STXBP5L: variants seen among roughly 807,000 people sequenced by gnomAD.
STXBP5L encodes syntaxin-binding protein 5-like.
STXBP5L carries 65 observed loss-of-function variants against 144.5 expected under a neutral mutation model. The observed-to-expected ratio is 0.45, with a 90% CI of 0.37 to 0.55. STXBP5L has a LOEUF of 0.55. Among genes scored for constraint, STXBP5L ranks in the 20% least tolerant of loss-of-function variants. The pLI is 0.00. For missense variants in STXBP5L, 1,298 were observed against 1,405.5 expected (o/e 0.92, Z 1.22); for synonymous variants, 505 against 469.6 (o/e 1.08, Z -0.97).
chr3:121,230,008 G>A (rs1033395950), intron 11 of STXBP5L, among the ~76,000 whole-genome samples: 9 of 152,012 alleles, frequency 5.9e-5, no homozygotes, highest in Admixed American at 3.3e-4. Flanking sequence ...AGTTTTTATC[G>A]TATTTGAAAA....
At chr3:121,049,833 C>T (rs1215169764) in intron 5 of STXBP5L, 1 of 153,026 alleles carries the variant, frequency 6.5e-6, no homozygotes, top group Non-Finnish European at 1.5e-5. Context: ...TCCAGCACTC[C>T]TGGGAGTCTG....
At position 121,303,343 on chromosome 3, in the gene STXBP5L, A is replaced by C. The variant is rs545477449; in HGVS notation, c.2111-15132A>C. Among the ~76,000 whole-genome samples, 44 of 152,104 alleles carry C rather than the reference A, an allele frequency of 2.9e-4. No individual in the cohort carries two copies. The South Asian group carries it at 4.8e-3, about 16-fold the overall frequency. On this transcript the variant is annotated intron_variant, in intron 19 of 26. Coordinates refer to ENST00000471454, the MANE Select transcript of STXBP5L (RefSeq NM_001308330.2). ...CCACAATGAGATACCATCTCACACC[A>C]GTTAGAATGGCAATCATTAAAAAGT...
intron 7 of STXBP5L, among the ~76,000 whole-genome samples, chr3:121,144,101 A>G (rs545972754): frequency 6.6e-6 from 1 of 151,038 alleles, no homozygotes. Flanking sequence ...TAAAGCGTTA[A>G]TCTGCAAAAT....
At chr3:121,315,157 A>G (rs1445052540) in intron 19 of STXBP5L, among the ~76,000 whole-genome samples, 8 of 152,268 alleles carry the variant, frequency 5.3e-5, no homozygotes, top group Middle Eastern at 6.8e-3. Flanking sequence ...AGGATTATAA[A>G]TCATGCTGCT....
intron 2 of STXBP5L, among the ~76,000 whole-genome samples, chr3:120,953,704 A>T (rs1164786536): frequency 3.3e-5 from 5 of 151,972 alleles, no homozygotes; most frequent in African/African-American, 9.7e-5. Flanking sequence ...AGTTCTAATA[A>T]TTTTTTAGTG....
In STXBP5L at chr3:120,973,575, G is replaced by T. The variant is rs549820236; in HGVS notation, c.287+18538G>T. ...TTTTTTTATTATACTTTAGTTTTAG[G>T]GTACATGTGCACAATGTGCAGGTTA... is the stretch of plus-strand genomic sequence containing the variant. On this transcript the variant is annotated intron_variant, in intron 3 of 26. Transcript: ENST00000471454. Among the ~76,000 whole-genome samples, 284 of 151,520 alleles carry T rather than the reference G, an allele frequency of 1.9e-3. 1 individual carries two copies. Among genetic ancestry groups the T allele is most frequent in the African/African-American group, 6.6e-3 (273 of 41,282 alleles).
In STXBP5L at chr3:121,015,744, A is replaced by G. The variant is rs189986709; in HGVS notation, c.288-25956A>G. ...TAACAAAAAAGTATTTTCCTGGAAA[A>G]AAGGCTTTACTAGAGCCTTATCCAA... On this transcript the variant is annotated intron_variant, in intron 3 of 26. Coordinates refer to ENST00000471454, the MANE Select transcript of STXBP5L (RefSeq NM_001308330.2). Among the ~76,000 whole-genome samples, 304 of 152,238 alleles carry G rather than the reference A, an allele frequency of 2.0e-3. 2 individuals are homozygous for G. In the Middle Eastern group the frequency reaches 0.027, roughly 14 times the overall value.
rs544572243 is a variant in STXBP5L, at chr3:121,020,154, AT to A, written c.288-21544del. Among the ~76,000 whole-genome samples the A allele has an allele frequency of 9.8e-5, 15 of 152,340 alleles. No homozygotes were observed. The South Asian group carries it at 2.9e-3, about 29-fold the overall frequency. On this transcript the variant is annotated intron_variant, in intron 3 of 26. Transcript: ENST00000471454. ...TGCACTGGAAAGGCTCGGCAATAAT[AT>A]TGAACAAGTAGAAGAAAGAACTTCA... is the stretch of plus-strand genomic sequence containing the variant.
intron 20 of STXBP5L, among the ~76,000 whole-genome samples, chr3:121,338,513 G>A (rs2044587073): frequency 6.7e-6 from 1 of 148,476 alleles, no homozygotes; most frequent in Non-Finnish European, 1.5e-5. Context: ...GGGTGGTGGT[G>A]CCGCCTGTAA....
At chr3:121,011,948 TAGAC>T (rs1232261693) in intron 3 of STXBP5L, among the ~76,000 whole-genome samples, 3 of 151,848 alleles carry the variant, frequency 2.0e-5, no homozygotes, top group Non-Finnish European at 4.4e-5. Flanking sequence ...CTGTACCTAT[TAGAC>T]AGTCACTTTC....
intron 3 of STXBP5L, among the ~76,000 whole-genome samples, chr3:121,007,721 C>T (rs533637991): frequency 3.9e-5 from 6 of 152,056 alleles, no homozygotes; most frequent in African/African-American, 1.4e-4. Flanking sequence ...TAGAGAAAGC[C>T]TTTAACTGCT....
intron 5 of STXBP5L, among the ~76,000 whole-genome samples, chr3:121,074,275 C>T (rs527382386): frequency 7.9e-5 from 12 of 152,164 alleles, no homozygotes; most frequent in South Asian, 6.2e-4. Flanking sequence ...GCAGCATCCA[C>T]AGGAATTCAC....
chr3:121,341,313 C>A (rs1357294513), intron 20 of STXBP5L, among the ~76,000 whole-genome samples: 1 of 152,098 alleles, frequency 6.6e-6, no homozygotes, highest in Admixed American at 6.6e-5. Context: ...AAATGCAAAT[C>A]GAAACTACAG....
At chr3:121,137,022 A>T (rs1301666057) in intron 7 of STXBP5L, among the ~76,000 whole-genome samples, 1 of 152,210 alleles carries the variant, frequency 6.6e-6, no homozygotes, top group Non-Finnish European at 1.5e-5. Context: ...TGGGAGCTAA[A>T]CGTTGTGTAC....
At position 121,239,053 on chromosome 3, in the gene STXBP5L, C is replaced by T. The variant is rs1414571329; in HGVS notation, c.1267C>T (p.Pro423Ser). ...CACAGCATACTTTGCAGATTGTCCT[C>T]CGGATTTGATTCTAGTACTGTATTC... ...TCTAYFADCP[P>S]DLILVLYSIG... is the part of the protein sequence containing the mutation. Residue 423 changes from proline to serine, a missense_variant, in exon 13 of 27, where the codon CCG (proline) becomes TCG (serine). By Grantham distance (74) the Pro-to-Ser change is moderately conservative. Coordinates refer to ENST00000471454, the MANE Select transcript of STXBP5L (RefSeq NM_001308330.2). The T allele has an allele frequency of 1.2e-6, 2 of 1,609,584 alleles. No homozygotes were observed. The highest frequency in any genetic ancestry group is 4.5e-5 in the East Asian group (2 of 44,408).
rs574868584 is a variant in STXBP5L, at chr3:121,419,833, T to C, written c.*736T>C. On this transcript the variant is annotated 3_prime_UTR_variant, in exon 27 of 27. Transcript: ENST00000471454. ...TCATTTCTATCACCTTCAGAATGGGTTGCTGTTTTTAGCACAAACCATGCA... is the reference window on the plus strand; with the variant it reads ...TCATTTCTATCACCTTCAGAATGGGCTGCTGTTTTTAGCACAAACCATGCA... The C allele has an allele frequency of 1.2e-4, 18 of 152,350 alleles. No homozygotes were observed. Among genetic ancestry groups the C allele is most frequent in the African/African-American group, 4.1e-4 (17 of 41,576 alleles). 9.4% of individuals were successfully genotyped at this position (152,350 alleles called of 1,614,324 possible). A position where few individuals can be genotyped will look rare whatever the true frequency, so the allele number is the denominator to read the frequency against.
At chr3:121,353,042 G>A (rs542957585) in intron 20 of STXBP5L, among the ~76,000 whole-genome samples, 30 of 152,220 alleles carry the variant, frequency 2.0e-4, no homozygotes, top group Admixed American at 4.6e-4. Flanking sequence ...CAGCCTGATC[G>A]TGTTGGATAA....
At chr3:121,034,448 C>A (rs1309360125) in intron 3 of STXBP5L, among the ~76,000 whole-genome samples, 2 of 152,014 alleles carry the variant, frequency 1.3e-5, no homozygotes, top group African/African-American at 4.8e-5. Context: ...TATGTTGCTG[C>A]AAAAGATATG....
At position 121,085,998 on chromosome 3, in the gene STXBP5L, A is replaced by T. The variant is rs185832824; in HGVS notation, c.471-28927A>T. Among the ~76,000 whole-genome samples the T allele has an allele frequency of 2.6e-4, 40 of 152,242 alleles. No individual in the cohort carries two copies. In the East Asian group the frequency reaches 6.0e-3, roughly 23 times the overall value. On this transcript the variant is annotated intron_variant, in intron 5 of 26. Transcript: ENST00000471454. ...CATAGACCAATAGAACAGAATAAAG[A>T]TCTCAGAAATAAGACCACACATCTA...
Sources: gnomAD v4.1 joint callset for allele counts (sites outside exome capture counted in the v4.1 genomes callset) on GRCh38, gnomAD v4.1.1 for gene constraint, MANE v1.5 for transcripts, NCBI Gene and HGNC (gene_info 2026-07-23, HGNC 2026-07-21) for gene names.